Variants in UBE2E3 observed in about 807,000 individuals in gnomAD.
UBE2E3 encodes the protein ubiquitin conjugating enzyme E2 E3, also known as ubiquitin-conjugating enzyme E2 E3.
In UBE2E3, 5 loss-of-function variants were observed where a neutral mutation model predicts 23.6. The observed-to-expected ratio is 0.21, with a 90% CI of 0.11 to 0.44. The LOEUF is 0.44. Ranked by LOEUF, UBE2E3 falls within the 20% of genes least tolerant of loss-of-function variation. The pLI, the probability that UBE2E3 is intolerant of heterozygous loss-of-function variation, is 0.99. For synonymous variants in UBE2E3, 78 were observed against 87.5 expected, an observed-to-expected ratio of 0.89 and a Z score of 0.60; for missense variants, 81 against 249.8, an observed-to-expected ratio of 0.32 and a Z score of 4.55.
chr2:181,022,703 C>A (rs1450216803), intron 3 of UBE2E3, among the ~76,000 whole-genome samples: 1 of 150,782 alleles, frequency 6.6e-6, no homozygotes, highest in African/African-American at 2.4e-5. Context: ...ATGCAAAAAG[C>A]ATGGTACTAA....
chr2:180,994,242 C>G (rs1236638648), intron 3 of UBE2E3, among the ~76,000 whole-genome samples: 3 of 152,126 alleles, frequency 2.0e-5, no homozygotes, highest in Non-Finnish European at 2.9e-5. Flanking sequence ...TATCACTTTT[C>G]CCTTCTGCCG....
intron 4 of UBE2E3, 125 bp downstream of exon 4, chr2:181,057,950 A>G (rs1341174190): frequency 1.0e-6 from 1 of 994,896 alleles, no homozygotes; most frequent in African/African-American, 1.6e-5. Flanking sequence ...TTGATATGGA[A>G]ATTTTCGCAT....
chr2:181,034,517 G>A (rs559438236), intron 3 of UBE2E3, among the ~76,000 whole-genome samples: 4 of 152,268 alleles, frequency 2.6e-5, no homozygotes, highest in African/African-American at 4.8e-5. Flanking sequence ...TCACACACCG[G>A]GACCTACCGT....
At chr2:180,987,421 A>T in intron 3 of UBE2E3, 2 of 1,548,816 alleles carry the variant, frequency 1.3e-6, no homozygotes, top group Non-Finnish European at 1.7e-6. Flanking sequence ...TTAACCCCTA[A>T]TTTCTTTCCA....
chr2:181,050,290 T>C (rs1232594253), intron 3 of UBE2E3, among the ~76,000 whole-genome samples: 1 of 151,970 alleles, frequency 6.6e-6, no homozygotes, highest in African/African-American at 2.4e-5. Flanking sequence ...TTGTGGGTTT[T>C]CTTCAACTCT....
intron 3 of UBE2E3, among the ~76,000 whole-genome samples, chr2:181,039,100 C>T (rs980920891): frequency 8.1e-5 from 12 of 147,654 alleles, no homozygotes; most frequent in Non-Finnish European, 1.5e-4. Context: ...TAAGTCCTAA[C>T]CTCCAGTACC....
At chr2:181,041,508 G>A (rs891044305) in intron 3 of UBE2E3, among the ~76,000 whole-genome samples, 2 of 151,444 alleles carry the variant, frequency 1.3e-5, no homozygotes, top group Non-Finnish European at 1.5e-5. Context: ...TGGCACAACC[G>A]GCTCACTGCA....
chr2:180,998,032 C>T (rs904630249), intron 3 of UBE2E3, among the ~76,000 whole-genome samples: 1 of 151,966 alleles, frequency 6.6e-6, no homozygotes, highest in Non-Finnish European at 1.5e-5. Context: ...GGTAAAATGC[C>T]GTAGCACTAA....
intron 3 of UBE2E3, among the ~76,000 whole-genome samples, chr2:181,009,613 TCAGTATACA>T (rs5836763): frequency 0.23 from 35,131 of 151,846 alleles, 4,406 homozygotes; most frequent in Non-Finnish European, 0.28. Context: ...CAAATATATT[TCAGTATACA>T]CCAAAATAAA....
intron 3 of UBE2E3, among the ~76,000 whole-genome samples, chr2:181,038,217 CTG>C (rs1686360581): frequency 6.6e-6 from 1 of 152,098 alleles, no homozygotes; most frequent in African/African-American, 2.4e-5. Flanking sequence ...TGTACCTTTC[CTG>C]TGTGTTTAGA....
chr2:180,997,247 CTATT>C (rs1438749936), intron 3 of UBE2E3, among the ~76,000 whole-genome samples: 6 of 151,672 alleles, frequency 4.0e-5, no homozygotes, highest in Non-Finnish European at 7.4e-5. Flanking sequence ...TTATCTATCT[CTATT>C]TATTTTTTTT....
chr2:181,053,102 C>G (rs1442391464), intron 3 of UBE2E3, among the ~76,000 whole-genome samples: 2 of 151,728 alleles, frequency 1.3e-5, no homozygotes, highest in African/African-American at 4.8e-5. Flanking sequence ...ATTTTTACAT[C>G]TCTTTTCTCC....
At chr2:181,038,279 C>T (rs535597228) in intron 3 of UBE2E3, among the ~76,000 whole-genome samples, 2 of 152,310 alleles carry the variant, frequency 1.3e-5, no homozygotes, top group South Asian at 2.1e-4. Context: ...TATATAATAA[C>T]ATACTGTGTG....
intron 3 of UBE2E3, among the ~76,000 whole-genome samples, chr2:181,017,407 G>A (rs887036651): frequency 6.6e-6 from 1 of 152,062 alleles, no homozygotes; most frequent in Non-Finnish European, 1.5e-5. Context: ...TTGAGTTAGG[G>A]GCATGAGGGG....
chr2:181,046,558 T>A (rs2105468299), intron 3 of UBE2E3, among the ~76,000 whole-genome samples: 1 of 152,240 alleles, frequency 6.6e-6, no homozygotes, highest in East Asian at 1.9e-4. Context: ...CACATATGGT[T>A]AAGTTGTAAT....
intron 3 of UBE2E3, among the ~76,000 whole-genome samples, chr2:181,056,798 G>C (rs545866478): frequency 6.6e-6 from 1 of 151,766 alleles, no homozygotes; most frequent in Non-Finnish European, 1.5e-5. Flanking sequence ...TTGCTTATTG[G>C]TTGCAGGGAA....
chr2:180,994,147 A>G (rs1172671092), intron 3 of UBE2E3, among the ~76,000 whole-genome samples: 1 of 152,176 alleles, frequency 6.6e-6, no homozygotes, highest in African/African-American at 2.4e-5. Flanking sequence ...TCATCTTCCC[A>G]GGTGCTTACT....
chr2:180,995,728 A>G (rs1251682244), intron 3 of UBE2E3, among the ~76,000 whole-genome samples: 2 of 148,688 alleles, frequency 1.3e-5, no homozygotes, highest in Non-Finnish European at 3.0e-5. Context: ...GCTTGATCAA[A>G]TTCAGGCTGG....
chr2:181,004,131 A>G (rs1380963229), intron 3 of UBE2E3, among the ~76,000 whole-genome samples: 2 of 152,200 alleles, frequency 1.3e-5, no homozygotes, highest in African/African-American at 4.8e-5. Context: ...TAATCAGTAC[A>G]GCATAATACT....
Sources: gnomAD v4.1 joint callset for allele counts (sites outside exome capture counted in the v4.1 genomes callset) on GRCh38, gnomAD v4.1.1 for gene constraint, MANE v1.5 for transcripts, NCBI Gene and HGNC (gene_info 2026-07-23, HGNC 2026-07-21) for gene names.